The following RNF217 variants were observed in gnomAD, a reference collection of about 807,000 sequenced individuals.
RNF217 encodes ring finger protein 217.
In RNF217, 31 loss-of-function variants were observed where a neutral mutation model predicts 57.8. The ratio of observed to expected loss-of-function variants is 0.54; its 90% CI spans 0.40 to 0.72. The LOEUF (loss-of-function observed/expected upper bound fraction) is 0.72. RNF217 is among the 30% of genes least tolerant of loss of function. The pLI is 0.00. For synonymous variants in RNF217, 313 were observed against 294.0 expected, an observed-to-expected ratio of 1.06 and a Z score of -0.66; for missense variants, 696 against 708.3, an observed-to-expected ratio of 0.98 and a Z score of 0.20.
intron 1 of RNF217, among the ~76,000 whole-genome samples, chr6:125,031,281 C>T (rs1458306753): frequency 6.6e-6 from 1 of 152,252 alleles, no homozygotes; most frequent in Non-Finnish European, 1.5e-5. Flanking sequence ...ATATTTTACT[C>T]ATGATCTTGG....
chr6:125,038,800 GT>G (rs930507268), intron 1 of RNF217, among the ~76,000 whole-genome samples: 4 of 152,052 alleles, frequency 2.6e-5, no homozygotes, highest in Admixed American at 2.6e-4. Flanking sequence ...CTTGGTATGA[GT>G]TTTTTTGGGT....
intron 1 of RNF217, among the ~76,000 whole-genome samples, chr6:125,028,346 C>T (rs1582726472): frequency 6.6e-6 from 1 of 152,078 alleles, no homozygotes; most frequent in African/African-American, 2.4e-5. Flanking sequence ...TTTCATATGC[C>T]TGTTTGCCAT....
chr6:125,036,496 C>T (rs522187), intron 1 of RNF217, among the ~76,000 whole-genome samples: 5,866 of 151,984 alleles, frequency 0.039, 159 homozygotes, highest in South Asian at 0.083. Flanking sequence ...CAAAAGGAAT[C>T]GCAACAAAAG....
At chr6:124,965,379 G>C (rs1211011419) in intron 1 of RNF217, among the ~76,000 whole-genome samples, 1 of 152,050 alleles carries the variant, frequency 6.6e-6, no homozygotes, top group Non-Finnish European at 1.5e-5. Context: ...TTCAAGACCA[G>C]CCTGACCAAC....
intron 2 of RNF217, among the ~76,000 whole-genome samples, chr6:125,057,575 G>C (rs1787570406): frequency 6.6e-6 from 1 of 152,142 alleles, no homozygotes. Flanking sequence ...GAAATGGCTG[G>C]GTAATTCGTT....
intron 4 of RNF217, among the ~76,000 whole-genome samples, chr6:125,078,958 G>A (rs1788473395): frequency 6.6e-6 from 1 of 152,194 alleles, no homozygotes; most frequent in Non-Finnish European, 1.5e-5. Context: ...TCAGAGAGAA[G>A]ATGGAGTATA....
chr6:125,061,970 T>G (rs2114599328), intron 3 of RNF217, among the ~76,000 whole-genome samples: 1 of 152,122 alleles, frequency 6.6e-6, no homozygotes, highest in Middle Eastern at 3.4e-3. Context: ...CTAACCCAAT[T>G]GTGTTTATGG....
chr6:125,045,191 T>A lies in RNF217; in HGVS notation c.883-20T>A. The A allele has an allele frequency of 1.3e-6, 2 of 1,533,192 alleles. No homozygotes were observed. The highest frequency in any genetic ancestry group is 2.4e-5 in the South Asian group (2 of 84,898). The allele number at this position is 1,533,192 out of a possible 1,614,324, so 95.0% of individuals were successfully genotyped here. ...AACCAGTGACGTTTTTTTCCTTCCA[T>A]CTGCTCTTCCATCATGCAGGTACAA... On this transcript the variant is annotated intron_variant, in intron 1 of 5. Coordinates refer to ENST00000521654, the MANE Select transcript of RNF217 (RefSeq NM_001286398.3).
chr6:125,082,073 A>G (rs1788596447), intron 5 of RNF217, among the ~76,000 whole-genome samples: 1 of 152,146 alleles, frequency 6.6e-6, no homozygotes, highest in Admixed American at 6.6e-5. Flanking sequence ...GCTTTAGAAT[A>G]TCCTCAAGGG....
At chr6:125,065,405 T>A (rs923657567) in intron 3 of RNF217, among the ~76,000 whole-genome samples, 2 of 152,162 alleles carry the variant, frequency 1.3e-5, no homozygotes, top group Admixed American at 6.5e-5. Flanking sequence ...GAATGTCCGA[T>A]GCATTTAAAA....
At chr6:124,999,230 T>C (rs530251808) in intron 1 of RNF217, among the ~76,000 whole-genome samples, 30 of 152,324 alleles carry the variant, frequency 2.0e-4, no homozygotes, top group African/African-American at 6.7e-4. Context: ...CTTGTAGGAA[T>C]GTCATTCCAT....
chr6:124,991,081 A>C (rs1190920257), intron 1 of RNF217, among the ~76,000 whole-genome samples: 2 of 151,998 alleles, frequency 1.3e-5, no homozygotes, highest in African/African-American at 4.8e-5. Context: ...AAAATGTAAG[A>C]CCTGACATGT....
At chr6:124,984,780 G>GA (rs1443408401) in intron 1 of RNF217, among the ~76,000 whole-genome samples, 2 of 151,884 alleles carry the variant, frequency 1.3e-5, no homozygotes, top group African/African-American at 4.8e-5. Flanking sequence ...ATATTTCTTA[G>GA]AACCTGAGAA....
chr6:124,985,909 C>T (rs1784350360), intron 1 of RNF217, among the ~76,000 whole-genome samples: 1 of 151,954 alleles, frequency 6.6e-6, no homozygotes, highest in African/African-American at 2.4e-5. Flanking sequence ...TTTGGTATTT[C>T]TTTGATTTTT....
chr6:125,066,831 A>C (rs1787953003), intron 3 of RNF217, among the ~76,000 whole-genome samples: 1 of 152,230 alleles, frequency 6.6e-6, no homozygotes, highest in Non-Finnish European at 1.5e-5. Context: ...TGGCTGAATA[A>C]ATAAATGAAT....
At chr6:125,035,586 A>G (rs993586526) in intron 1 of RNF217, among the ~76,000 whole-genome samples, 233 of 152,298 alleles carry the variant, frequency 1.5e-3, no homozygotes, top group African/African-American at 5.2e-3. Context: ...CATGTGTTCC[A>G]AATCTCTTCT....
intron 1 of RNF217, among the ~76,000 whole-genome samples, chr6:125,029,433 G>C (rs550483119): frequency 1.1e-3 from 173 of 152,298 alleles, no homozygotes; most frequent in African/African-American, 3.8e-3. Flanking sequence ...AGCCAGGAAG[G>C]AGGAAATTAT....
chr6:125,019,271 A>G (rs889715445), intron 1 of RNF217, among the ~76,000 whole-genome samples: 2 of 152,156 alleles, frequency 1.3e-5, no homozygotes, highest in Non-Finnish European at 2.9e-5. Context: ...TTATTTTGGT[A>G]TTACCTTAAT....
chr6:124,999,821 C>A (rs775538147), intron 1 of RNF217, among the ~76,000 whole-genome samples: 1 of 152,154 alleles, frequency 6.6e-6, no homozygotes, highest in Middle Eastern at 3.2e-3. Context: ...TTTTCACATA[C>A]TTTATACTTA....
Sources: allele counts gnomAD v4.1 joint callset (sites outside exome capture counted in the v4.1 genomes callset), GRCh38; gene constraint gnomAD v4.1.1; transcripts MANE v1.5; gene names NCBI Gene and HGNC (gene_info 2026-07-23, HGNC 2026-07-21).